LRBA: variants seen among roughly 807,000 people sequenced by gnomAD.
LRBA encodes LPS responsive beige-like anchor protein.
In LRBA, 176 loss-of-function variants were observed where a neutral mutation model predicts 330.0. The observed-to-expected ratio is 0.53, with a 90% CI of 0.47 to 0.60. The LOEUF (loss-of-function observed/expected upper bound fraction) is 0.60. LRBA is among the 20% of genes least tolerant of loss of function. The pLI is 0.00. For missense variants in LRBA, 3,259 were observed against 3,444.8 expected, an observed-to-expected ratio of 0.95 and a Z score of 1.35; for synonymous variants, 1,230 against 1,193.0, an observed-to-expected ratio of 1.03 and a Z score of -0.64.
intron 36 of LRBA, among the ~76,000 whole-genome samples, chr4:150,708,762 G>A (rs1421995777): frequency 6.6e-6 from 1 of 151,648 alleles, no homozygotes; most frequent in East Asian, 1.9e-4. Flanking sequence ...AAGCCAGCTG[G>A]CATTTTATAA....
At chr4:150,776,486 GCTTT>G (rs1737348769) in intron 34 of LRBA, among the ~76,000 whole-genome samples, 1 of 152,160 alleles carries the variant, frequency 6.6e-6, no homozygotes, top group African/African-American at 2.4e-5. Flanking sequence ...TTATTTGGGT[GCTTT>G]ATTTGATGAA....
intron 56 of LRBA, among the ~76,000 whole-genome samples, chr4:150,270,687 T>C (rs1211552796): frequency 6.6e-6 from 1 of 152,220 alleles, no homozygotes; most frequent in African/African-American, 2.4e-5. Flanking sequence ...TGCCACAATT[T>C]TTTTTAAAAG....
intron 48 of LRBA, among the ~76,000 whole-genome samples, chr4:150,346,053 C>T (rs943656936): frequency 1.1e-3 from 169 of 152,188 alleles, no homozygotes; most frequent in Non-Finnish European, 1.8e-4. Context: ...AGTGATCCTC[C>T]TGCCGTGGCC....
chr4:150,506,115 C>T (rs1761038916), intron 40 of LRBA, among the ~76,000 whole-genome samples: 1 of 152,118 alleles, frequency 6.6e-6, no homozygotes, highest in African/African-American at 2.4e-5. Flanking sequence ...AGTCCAGGAC[C>T]AGATGGATTC....
At chr4:150,308,730 G>A (rs905890820) in intron 52 of LRBA, among the ~76,000 whole-genome samples, 16 of 151,692 alleles carry the variant, frequency 1.1e-4, no homozygotes, top group Non-Finnish European at 2.4e-4. Flanking sequence ...TTTTGTCTTC[G>A]TTTTCTAAAA....
intron 17 of LRBA, among the ~76,000 whole-genome samples, chr4:150,882,626 G>A (rs1728525200): frequency 6.6e-6 from 1 of 152,020 alleles, no homozygotes; most frequent in Non-Finnish European, 1.5e-5. Flanking sequence ...AATATACTAT[G>A]GTATGTACAG....
intron 37 of LRBA, among the ~76,000 whole-genome samples, chr4:150,639,850 T>A (rs1260669348): frequency 1.3e-5 from 1 of 74,434 alleles, no homozygotes; most frequent in Non-Finnish European, 2.5e-5. Context: ...TATATATATA[T>A]ATATATATAT....
chr4:150,995,478 A>G (rs76892677), intron 2 of LRBA, among the ~76,000 whole-genome samples: 2,749 of 152,216 alleles, frequency 0.018, 66 homozygotes, highest in African/African-American at 0.062. Flanking sequence ...AAAGAGATAT[A>G]GAAAGTATGA....
At chr4:150,906,786 C>T (rs997903240) in intron 11 of LRBA, among the ~76,000 whole-genome samples, 3 of 152,026 alleles carry the variant, frequency 2.0e-5, no homozygotes, top group East Asian at 1.9e-4. Context: ...AACTTTGAAG[C>T]GTTAGGGGCC....
intron 31 of LRBA, 91 bp downstream of exon 31, chr4:150,817,033 G>A (rs1744699517): frequency 9.3e-7 from 1 of 1,071,676 alleles, no homozygotes; most frequent in South Asian, 1.3e-5. Flanking sequence ...TTTCTAATGT[G>A]CCCCCAAATT....
At chr4:150,757,895 G>A (rs1467404840) in intron 35 of LRBA, among the ~76,000 whole-genome samples, 1 of 152,086 alleles carries the variant, frequency 6.6e-6, no homozygotes, top group Non-Finnish European at 1.5e-5. Context: ...GCTAAGCACT[G>A]AAGTAAAGAA....
At chr4:150,498,983 T>C (rs543429884) in intron 40 of LRBA, among the ~76,000 whole-genome samples, 2 of 152,178 alleles carry the variant, frequency 1.3e-5, no homozygotes, top group African/African-American at 4.8e-5. Context: ...AATACCCTTC[T>C]ATTTTATAAG....
intron 55 of LRBA, among the ~76,000 whole-genome samples, chr4:150,278,832 TTTC>T (rs1468509157): frequency 1.3e-5 from 2 of 152,072 alleles, no homozygotes; most frequent in African/African-American, 2.4e-5. Flanking sequence ...GGTTTTTTTT[TTTC>T]CCCCCTCGAG....
At chr4:150,956,919 G>T (rs772686151) in intron 2 of LRBA, among the ~76,000 whole-genome samples, 7 of 149,154 alleles carry the variant, frequency 4.7e-5, no homozygotes, top group Admixed American at 1.3e-4. Flanking sequence ...CTTAATGGAA[G>T]TATCACTATG....
chr4:150,740,776 C>T (rs764013156), intron 35 of LRBA, among the ~76,000 whole-genome samples: 3 of 152,008 alleles, frequency 2.0e-5, no homozygotes, highest in Non-Finnish European at 4.4e-5. Context: ...CCTAGCAGGT[C>T]TTTCTGCATA....
chr4:150,276,475 A>G (rs1746775121), intron 56 of LRBA, among the ~76,000 whole-genome samples: 1 of 152,234 alleles, frequency 6.6e-6, no homozygotes, highest in Non-Finnish European at 1.5e-5. Flanking sequence ...AGAAACTATC[A>G]TCAGAGTGAA....
At chr4:150,848,159 C>G (rs751775206) in intron 26 of LRBA, among the ~76,000 whole-genome samples, 1 of 152,044 alleles carries the variant, frequency 6.6e-6, no homozygotes, top group East Asian at 1.9e-4. Context: ...GGATTATAAG[C>G]GTGCACCACC....
At chr4:150,288,726 A>C (rs1013382735) in intron 53 of LRBA, among the ~76,000 whole-genome samples, 3 of 113,820 alleles carry the variant, frequency 2.6e-5, no homozygotes, top group Non-Finnish European at 6.4e-5. Context: ...ATCCATTGGC[A>C]ACTTTTTTTT....
intron 37 of LRBA, among the ~76,000 whole-genome samples, chr4:150,639,104 C>G (rs1778227526): frequency 7.0e-6 from 1 of 142,670 alleles, no homozygotes; most frequent in Admixed American, 7.2e-5. Flanking sequence ...ATCGCAAGAA[C>G]AAAAAACCAA....
Sources: gnomAD v4.1 joint callset for allele counts (sites outside exome capture counted in the v4.1 genomes callset) on GRCh38, gnomAD v4.1.1 for gene constraint, MANE v1.5 for transcripts, NCBI Gene and HGNC (gene_info 2026-07-23, HGNC 2026-07-21) for gene names.